Variants in PCDHGA2 observed in about 807,000 individuals in gnomAD.
PCDHGA2 encodes protocadherin gamma subfamily A, 2, also known as protocadherin gamma-A2.
In PCDHGA2, 40 loss-of-function variants were observed where a neutral mutation model predicts 59.2. The observed-to-expected ratio is 0.68, with a 90% CI of 0.52 to 0.88. PCDHGA2 has a LOEUF of 0.88. Among genes scored for constraint, PCDHGA2 ranks in the 40% least tolerant of loss-of-function variants. The pLI is 0.00. For missense variants in PCDHGA2, 1,226 were observed against 1,204.0 expected (o/e 1.02, Z -0.27); for synonymous variants, 560 against 526.0 (o/e 1.06, Z -0.89).
At chr5:141,345,340 C>A (rs370949279) in intron 1 of PCDHGA2, 2 of 1,613,940 alleles carry the variant, frequency 1.2e-6, no homozygotes, top group African/African-American at 1.3e-5. Context: ...TCCACAGAAA[C>A]TCACATCACC....
intron 1 of PCDHGA2, chr5:141,439,815 T>C (rs1027862858): frequency 5.3e-5 from 8 of 152,314 alleles, no homozygotes; most frequent in African/African-American, 1.9e-4. Flanking sequence ...AAGGGGCTTA[T>C]TTGGGCTGGA....
intron 1 of PCDHGA2, among the ~76,000 whole-genome samples, chr5:141,492,802 G>A (rs1490284966): frequency 6.6e-6 from 1 of 152,234 alleles, no homozygotes; most frequent in Non-Finnish European, 1.5e-5. Flanking sequence ...GCAGGACTGG[G>A]ACTCCAGTGG....
chr5:141,426,960 A>G, intron 1 of PCDHGA2: 1 of 456,776 alleles, frequency 2.2e-6, no homozygotes, highest in South Asian at 1.5e-5. Context: ...CACTGCTGCA[A>G]TTCAAATTGA....
intron 1 of PCDHGA2, chr5:141,376,150 C>T (rs1411473107): frequency 1.6e-5 from 26 of 1,613,928 alleles, no homozygotes; most frequent in Non-Finnish European, 2.2e-5. Flanking sequence ...ATTCGGACCT[C>T]ACTCTGTACC....
chr5:141,372,224 G>C (rs766861746), intron 1 of PCDHGA2: 25 of 1,613,414 alleles, frequency 1.5e-5, no homozygotes, highest in Non-Finnish European at 2.0e-5. Flanking sequence ...ACATTGTGCA[G>C]GCCAGCGAGC....
At chr5:141,508,903 G>A (rs1410291297) in intron 3 of PCDHGA2, among the ~76,000 whole-genome samples, 1 of 152,086 alleles carries the variant, frequency 6.6e-6, no homozygotes, top group East Asian at 1.9e-4. Flanking sequence ...GGGCGGGGCG[G>A]TGGCGGATCT....
intron 1 of PCDHGA2, among the ~76,000 whole-genome samples, chr5:141,368,366 C>CAT (rs1765610966): frequency 6.6e-6 from 1 of 151,978 alleles, no homozygotes; most frequent in African/African-American, 2.4e-5. Context: ...TATATACACA[C>CAT]ATATATATAC....
At chr5:141,409,201 A>G (rs2095240333) in intron 1 of PCDHGA2, 1 of 1,614,044 alleles carries the variant, frequency 6.2e-7, no homozygotes, top group Non-Finnish European at 8.5e-7. Flanking sequence ...AGTGTAAAGT[A>G]ATCATAGAAA....
chr5:141,375,212 G>T (rs757227553), intron 1 of PCDHGA2: 1 of 1,613,944 alleles, frequency 6.2e-7, no homozygotes, highest in Admixed American at 1.7e-5. Flanking sequence ...TCGAGACTCT[G>T]GCCTGAATGG....
At chr5:141,418,563 C>T in intron 1 of PCDHGA2, 2 of 1,613,998 alleles carry the variant, frequency 1.2e-6, no homozygotes, top group Non-Finnish European at 1.7e-6. Context: ...GTAATAGATG[C>T]CAATGACAAC....
In PCDHGA2 at chr5:141,366,784, A is replaced by G. The variant is rs749444374; in HGVS notation, c.2424+25389A>G. Reference sequence around the variant, plus strand: ...TTCTCTTTCGGTAAGGATGACCAGAACATTTTCATTTGTTTCCTTTTTCAT... The same window carrying G: ...TTCTCTTTCGGTAAGGATGACCAGAGCATTTTCATTTGTTTCCTTTTTCAT... On this transcript the variant is annotated intron_variant, in intron 1 of 3. Coordinates refer to ENST00000394576, the MANE Select transcript of PCDHGA2 (RefSeq NM_018915.4). 6 of 1,579,152 alleles carry G rather than the reference A, an allele frequency of 3.8e-6. No homozygotes were observed. The South Asian group carries it at 6.9e-5, about 18-fold the overall frequency.
rs369406530 is a variant in PCDHGA2, at chr5:141,393,504, A to C, written c.2424+52109A>C. On this transcript the variant is annotated intron_variant, in intron 1 of 3. Transcript: ENST00000394576. ...CTCTAGCACAGTGCGCATCCACGTG[A>C]CAGTGTTGGATACAAATGACAATGC... 16 of 1,613,918 alleles carry C rather than the reference A, an allele frequency of 9.9e-6. No individual in the cohort carries two copies. In the African/African-American group the frequency reaches 2.0e-4, roughly 20 times the overall value.
intron 1 of PCDHGA2, chr5:141,400,422 TA>T: frequency 6.2e-7 from 1 of 1,614,054 alleles, no homozygotes; most frequent in Non-Finnish European, 8.5e-7. Context: ...TCCTAAAATG[TA>T]GTGAGCAATT....
At chr5:141,456,984 C>T (rs374156327) in intron 1 of PCDHGA2, among the ~76,000 whole-genome samples, 1 of 152,082 alleles carries the variant, frequency 6.6e-6, no homozygotes, top group Admixed American at 6.6e-5. Flanking sequence ...AACAAACAAA[C>T]AAACAAAAAC....
chr5:141,372,270 G>T, intron 1 of PCDHGA2: 1 of 1,613,182 alleles, frequency 6.2e-7, no homozygotes, highest in Non-Finnish European at 8.5e-7. Context: ...CACGGGTGAG[G>T]TGCGCACGGC....
At chr5:141,375,511 A>G (rs372798366) in intron 1 of PCDHGA2, 69 of 1,613,842 alleles carry the variant, frequency 4.3e-5, no homozygotes, top group Non-Finnish European at 5.4e-5. Flanking sequence ...CTGTGAATGC[A>G]CTGGACCCTG....
chr5:141,378,478 GT>G (rs1210036765), intron 1 of PCDHGA2: 3 of 152,162 alleles, frequency 2.0e-5, no homozygotes, highest in African/African-American at 7.2e-5. Flanking sequence ...AGCCAAGATC[GT>G]GCCACTGCAC....
At chr5:141,404,819 A>G in intron 1 of PCDHGA2, 1 of 1,608,430 alleles carries the variant, frequency 6.2e-7, no homozygotes, top group South Asian at 1.1e-5. Flanking sequence ...GGGGCTGCAC[A>G]CAGGTGAAGT....
In PCDHGA2 at chr5:141,476,264, G is replaced by A. The variant is rs753184649; in HGVS notation, c.2425-18543G>A. The A allele has an allele frequency of 2.5e-6, 4 of 1,614,082 alleles. No individual in the cohort carries two copies. The highest frequency in any genetic ancestry group is 3.4e-6 in the Non-Finnish European group (4 of 1,180,010). Reference sequence around the variant, plus strand: ...AGAGAAGGGTTTCGCTGTGGGCAACGTGGTCGCGAACCTTGGTTTGGATCT... The same window carrying A: ...AGAGAAGGGTTTCGCTGTGGGCAACATGGTCGCGAACCTTGGTTTGGATCT... On this transcript the variant is annotated intron_variant, in intron 1 of 3. Coordinates refer to ENST00000394576, the MANE Select transcript of PCDHGA2 (RefSeq NM_018915.4). The surrounding 1 kb of genome is among the most constrained non-coding windows in gnomAD (Gnocchi z 7.6).
Sources: gnomAD v4.1 joint callset for allele counts (sites outside exome capture counted in the v4.1 genomes callset) on GRCh38, gnomAD v4.1.1 for gene constraint, Gnocchi (gnomAD v3.1) non-coding constraint, MANE v1.5 for transcripts, NCBI Gene and HGNC (gene_info 2026-07-23, HGNC 2026-07-21) for gene names.